The following ZNF475 variants were observed in gnomAD, a reference collection of about 807,000 sequenced individuals.
ZNF475 encodes the protein zinc finger protein 475.
chr5:122,179,221 G>C, the ZNF475 span, among the ~76,000 whole-genome samples: 6 of 152,050 alleles, frequency 3.9e-5, no homozygotes, highest in South Asian at 2.1e-4. Flanking sequence ...TTAGTTATAC[G>C]AGCTCTTTTT....
chr5:122,166,117 G>C, the ZNF475 span, among the ~76,000 whole-genome samples: 1 of 152,142 alleles, frequency 6.6e-6, no homozygotes, highest in Non-Finnish European at 1.5e-5. Flanking sequence ...TGACCCTAAA[G>C]AAAATAATTG....
the ZNF475 span, among the ~76,000 whole-genome samples, chr5:122,166,575 G>C: frequency 6.6e-6 from 1 of 152,086 alleles, no homozygotes; most frequent in African/African-American, 2.4e-5. Context: ...TCCCACCTAT[G>C]AGTGAGAACA....
chr5:122,181,602 A>G, the ZNF475 span, among the ~76,000 whole-genome samples: 2 of 152,236 alleles, frequency 1.3e-5, no homozygotes, highest in East Asian at 3.8e-4. Context: ...GATAGAAATC[A>G]TATGAGAATT....
At chr5:122,173,862 C>G in the ZNF475 span, among the ~76,000 whole-genome samples, 1,220 of 152,294 alleles carry the variant, frequency 8.0e-3, 10 homozygotes, top group African/African-American at 0.028. Context: ...AGTCTTTTAC[C>G]TTGATGTTAG....
the ZNF475 span, chr5:122,160,397 ATGAG>A: frequency 1.8e-6 from 1 of 561,796 alleles, no homozygotes; most frequent in South Asian, 1.6e-5. Context: ...CAACAGCCTC[ATGAG>A]TGAAATTGAC....
At chr5:122,172,493 G>A in the ZNF475 span, among the ~76,000 whole-genome samples, 3 of 152,152 alleles carry the variant, frequency 2.0e-5, no homozygotes, top group South Asian at 6.2e-4. Flanking sequence ...CAGGTTTTAG[G>A]GAATCTACCA....
At chr5:122,175,404 A>C in the ZNF475 span, among the ~76,000 whole-genome samples, 1 of 152,210 alleles carries the variant, frequency 6.6e-6, no homozygotes, top group Non-Finnish European at 1.5e-5. Context: ...TTCTGTTTTC[A>C]TGCCACCTGG....
the ZNF475 span, among the ~76,000 whole-genome samples, chr5:122,172,965 A>G: frequency 6.6e-6 from 1 of 152,066 alleles, no homozygotes; most frequent in Non-Finnish European, 1.5e-5. Flanking sequence ...CCCGGGAGGC[A>G]GAGCTTGCAG....
chr5:122,182,547 A>C, the ZNF475 span: 1 of 1,535,122 alleles, frequency 6.5e-7, no homozygotes, highest in Non-Finnish European at 8.7e-7. Flanking sequence ...AAGTGCCCAC[A>C]GCCAGTTGGT....
chr5:122,167,091 A>C, the ZNF475 span, among the ~76,000 whole-genome samples: 1 of 152,148 alleles, frequency 6.6e-6, no homozygotes, highest in Non-Finnish European at 1.5e-5. Flanking sequence ...TCTTGAATTA[A>C]TTTTTGTATA....
the ZNF475 span, among the ~76,000 whole-genome samples, chr5:122,181,019 T>A: frequency 6.6e-6 from 1 of 152,176 alleles, no homozygotes; most frequent in Non-Finnish European, 1.5e-5. Context: ...TCACTTTCTC[T>A]GCTTGACCAT....
chr5:122,169,218 C>G, the ZNF475 span, among the ~76,000 whole-genome samples: 3 of 152,186 alleles, frequency 2.0e-5, no homozygotes, highest in Non-Finnish European at 4.4e-5. Flanking sequence ...TCTCCTCTCT[C>G]CTGTACAGTT....
chr5:122,160,728 A>G, the ZNF475 span, among the ~76,000 whole-genome samples: 1 of 152,218 alleles, frequency 6.6e-6, no homozygotes. Context: ...ATGAACAAAA[A>G]CCATAACATA....
chr5:122,167,287 A>C, the ZNF475 span, among the ~76,000 whole-genome samples: 1 of 152,156 alleles, frequency 6.6e-6, no homozygotes, highest in Non-Finnish European at 1.5e-5. Flanking sequence ...TCTTGATGAA[A>C]TCTTATGTAA....
At chr5:122,161,496 T>C in the ZNF475 span, among the ~76,000 whole-genome samples, 1 of 152,238 alleles carries the variant, frequency 6.6e-6, no homozygotes, top group East Asian at 1.9e-4. Flanking sequence ...TAGAATTCTT[T>C]CTGGCCTATC....
At chr5:122,174,891 A>C in the ZNF475 span, among the ~76,000 whole-genome samples, 30,949 of 152,188 alleles carry the variant, frequency 0.2, 3,370 homozygotes, top group Middle Eastern at 0.27. Context: ...AAACATGTTA[A>C]AAAAATAGTA....
chr5:122,178,137 T>C, the ZNF475 span, among the ~76,000 whole-genome samples: 1 of 152,342 alleles, frequency 6.6e-6, no homozygotes, highest in East Asian at 1.9e-4. Context: ...CTTTATCCAG[T>C]AAAGCATTGG....
At chr5:122,175,159 A>T in the ZNF475 span, among the ~76,000 whole-genome samples, 1 of 152,178 alleles carries the variant, frequency 6.6e-6, no homozygotes, top group African/African-American at 2.4e-5. Flanking sequence ...TCATCCAGGG[A>T]GTCACTTTAT....
chr5:122,167,589 T>G, the ZNF475 span, among the ~76,000 whole-genome samples: 1 of 152,222 alleles, frequency 6.6e-6, no homozygotes, highest in Non-Finnish European at 1.5e-5. Context: ...CTGCATTGCA[T>G]GAGCATGGCA....
Sources: allele counts gnomAD v4.1 joint callset (sites outside exome capture counted in the v4.1 genomes callset), GRCh38; gene constraint gnomAD v4.1.1; transcripts MANE v1.5; gene names NCBI Gene and HGNC (gene_info 2026-07-23, HGNC 2026-07-21).